The following PLD5 variants were observed in gnomAD, a reference collection of about 807,000 sequenced individuals.
PLD5 encodes phospholipase D family member 5.
A neutral mutation model predicts 61.1 loss-of-function variants in PLD5; 36 were observed. The observed-to-expected ratio is 0.59, with a 90% CI of 0.45 to 0.78. The LOEUF is 0.78. PLD5 is among the 30% of genes least tolerant of loss of function. PLD5 has a pLI of 0.00. For synonymous variants in PLD5, 243 were observed against 242.8 expected, an observed-to-expected ratio of 1.00 and a Z score of -0.01; for missense variants, 515 against 644.4, an observed-to-expected ratio of 0.80 and a Z score of 2.17.
chr1:242,189,254 G>A (rs1259612119), intron 5 of PLD5, among the ~76,000 whole-genome samples: 1 of 152,006 alleles, frequency 6.6e-6, no homozygotes, highest in Non-Finnish European at 1.5e-5. Context: ...AGACCAGCCT[G>A]GCCAACATGG....
intron 1 of PLD5, among the ~76,000 whole-genome samples, chr1:242,479,992 A>T (rs1667719185): frequency 6.6e-6 from 1 of 151,828 alleles, no homozygotes; most frequent in Non-Finnish European, 1.5e-5. Flanking sequence ...CACAGATTGC[A>T]GTAAGTCGAG....
At chr1:242,493,874 G>A (rs1668259304) in intron 1 of PLD5, among the ~76,000 whole-genome samples, 1 of 152,190 alleles carries the variant, frequency 6.6e-6, no homozygotes, top group Non-Finnish European at 1.5e-5. Flanking sequence ...TTTCTTTTTA[G>A]TATTCCTGAC....
At chr1:242,098,964 C>T (rs530279761) in intron 9 of PLD5, among the ~76,000 whole-genome samples, 1 of 152,248 alleles carries the variant, frequency 6.6e-6, no homozygotes, top group Non-Finnish European at 1.5e-5. Flanking sequence ...TGTCAGTCTG[C>T]CCCTACTGGG....
At chr1:242,133,004 C>CTCT (rs200979003) in intron 5 of PLD5, among the ~76,000 whole-genome samples, 1 of 148,784 alleles carries the variant, frequency 6.7e-6, no homozygotes, top group Non-Finnish European at 1.5e-5. Context: ...TTGCAGCCAC[C>CTCT]CCTCCCACTC....
At chr1:242,416,526 G>A (rs1465872055) in intron 1 of PLD5, among the ~76,000 whole-genome samples, 1 of 152,006 alleles carries the variant, frequency 6.6e-6, no homozygotes, top group African/African-American at 2.4e-5. Flanking sequence ...AGTAGTTTTG[G>A]AGCTGCAAGA....
intron 1 of PLD5, among the ~76,000 whole-genome samples, chr1:242,429,928 T>C (rs553320855): frequency 7.1e-6 from 1 of 140,404 alleles, no homozygotes; most frequent in South Asian, 2.3e-4. Context: ...GGTCATTTTT[T>C]TGTAGCCAAC....
At position 242,107,740 on chromosome 1, in the gene PLD5, G is replaced by A; in HGVS notation, c.1170C>T (p.Pro390=). ...GAGATGAAATAAAGTTAAACGTAAG[G>A]GGATCAGTTTCCTTCCAGAAGCTTA... ...LLLSFWKETD[P]LTFNFISSLK... The change falls in exon 8 of 10, where the codon CCC becomes CCT. Residue 390 remains proline (P), a synonymous_variant. Transcript: ENST00000536534. 7 of 1,611,656 alleles carry A rather than the reference G, an allele frequency of 4.3e-6. No homozygotes were observed. The highest frequency in any genetic ancestry group is 5.1e-6 in the Non-Finnish European group (6 of 1,179,508).
At chr1:242,121,860 A>G (rs998625187) in intron 6 of PLD5, among the ~76,000 whole-genome samples, 14 of 148,078 alleles carry the variant, frequency 9.5e-5, no homozygotes, top group African/African-American at 3.0e-4. Flanking sequence ...CAAACACCGC[A>G]TGTTCTTACT....
intron 1 of PLD5, among the ~76,000 whole-genome samples, chr1:242,368,237 T>TA (rs1313670493): frequency 6.6e-6 from 1 of 152,190 alleles, no homozygotes; most frequent in African/African-American, 2.4e-5. Context: ...CTTGCTCCCG[T>TA]ATTCACCCTA....
At chr1:242,278,965 A>T (rs1674564112) in intron 3 of PLD5, among the ~76,000 whole-genome samples, 1 of 152,202 alleles carries the variant, frequency 6.6e-6, no homozygotes, top group African/African-American at 2.4e-5. Flanking sequence ...CTGTACCAGG[A>T]GTTCTACTGA....
At chr1:242,315,511 G>A (rs1676955566) in intron 2 of PLD5, among the ~76,000 whole-genome samples, 1 of 152,134 alleles carries the variant, frequency 6.6e-6, no homozygotes, top group Non-Finnish European at 1.5e-5. Context: ...CTTGCCTGGG[G>A]AAGAGTCTTC....
rs181911805 is a variant in PLD5, at chr1:242,408,399, G to A, written c.190-60157C>T. The stretch of plus-strand genomic sequence containing the variant: ...AGGTTGAAATGTGATTCCTGATGGT[G>A]GAAGTAGGGCCTGGTGGGAGATGTT... On this transcript the variant is annotated intron_variant, in intron 1 of 9. Transcript: ENST00000536534. Among the ~76,000 whole-genome samples, 542 of 152,340 alleles carry A rather than the reference G, an allele frequency of 3.6e-3. 6 individuals are homozygous for A. The highest frequency in any genetic ancestry group is 0.012 in the African/African-American group (519 of 41,586).
At chr1:242,142,471 CA>C in intron 5 of PLD5, among the ~76,000 whole-genome samples, 1 of 152,280 alleles carries the variant, frequency 6.6e-6, no homozygotes, top group Non-Finnish European at 1.5e-5. Flanking sequence ...GAGCAACGTA[CA>C]TATTCTACAA....
chr1:242,398,329 A>C (rs56271547), intron 1 of PLD5, among the ~76,000 whole-genome samples: 1,984 of 152,342 alleles, frequency 0.013, 39 homozygotes, highest in African/African-American at 0.045. Context: ...CGTAAGGTTG[A>C]ATCGTCTCGC....
At chr1:242,302,011 C>A (rs973958291) in intron 2 of PLD5, among the ~76,000 whole-genome samples, 1 of 152,174 alleles carries the variant, frequency 6.6e-6, no homozygotes, top group Non-Finnish European at 1.5e-5. Flanking sequence ...AAACTCTTGA[C>A]CTCAGGTGAT....
intron 1 of PLD5, among the ~76,000 whole-genome samples, chr1:242,483,347 T>C (rs1462783550): frequency 5.3e-5 from 8 of 151,790 alleles, no homozygotes; most frequent in Non-Finnish European, 1.2e-4. Flanking sequence ...AGGCTCAAAA[T>C]AAAGGGATGG....
At chr1:242,421,145 A>G (rs1665119360) in intron 1 of PLD5, among the ~76,000 whole-genome samples, 1 of 137,358 alleles carries the variant, frequency 7.3e-6, no homozygotes, top group Non-Finnish European at 1.5e-5. Flanking sequence ...ACGCCACTGC[A>G]CTCTAGCCTG....
At chr1:242,480,562 G>T (rs1270390070) in intron 1 of PLD5, among the ~76,000 whole-genome samples, 1 of 151,892 alleles carries the variant, frequency 6.6e-6, no homozygotes, top group Non-Finnish European at 1.5e-5. Flanking sequence ...AAATAAATAC[G>T]CAAACTACAG....
At chr1:242,471,795 T>G (rs1259414048) in intron 1 of PLD5, among the ~76,000 whole-genome samples, 1 of 152,174 alleles carries the variant, frequency 6.6e-6, no homozygotes, top group African/African-American at 2.4e-5. Context: ...TGTTCTGAAC[T>G]TTGAAGCCAA....
Sources: gnomAD v4.1 joint callset for allele counts (sites outside exome capture counted in the v4.1 genomes callset) on GRCh38, gnomAD v4.1.1 for gene constraint, MANE v1.5 for transcripts, NCBI Gene and HGNC (gene_info 2026-07-23, HGNC 2026-07-21) for gene names.